ANKFN1: variants seen among roughly 807,000 people sequenced by gnomAD.
ANKFN1 encodes the protein ankyrin repeat and fibronectin type III domain containing 1.
A neutral mutation model predicts 108.7 loss-of-function variants in ANKFN1; 74 were observed. The ratio of observed to expected loss-of-function variants is 0.68; its 90% CI spans 0.56 to 0.83. ANKFN1 has a LOEUF of 0.83. Ranked by LOEUF, ANKFN1 falls within the 40% of genes least tolerant of loss-of-function variation. ANKFN1 has a pLI of 0.00. For synonymous variants in ANKFN1, 547 were observed against 516.2 expected, an observed-to-expected ratio of 1.06 and a Z score of -0.81; for missense variants, 1,505 against 1,382.3, an observed-to-expected ratio of 1.09 and a Z score of -1.41.
intron 4 of ANKFN1, among the ~76,000 whole-genome samples, chr17:56,125,742 C>T (rs1444530026): frequency 6.6e-6 from 1 of 152,182 alleles, no homozygotes; most frequent in East Asian, 1.9e-4. Context: ...TGGAACTCCA[C>T]AGCACACACT....
intron 1 of ANKFN1, among the ~76,000 whole-genome samples, chr17:56,192,317 T>G (rs1417886081): frequency 1.6e-5 from 2 of 126,990 alleles, no homozygotes; most frequent in African/African-American, 6.1e-5. Context: ...AACCTAGGCA[T>G]TACCATTCAG....
At chr17:56,136,195 C>T (rs2143370460) in intron 4 of ANKFN1, among the ~76,000 whole-genome samples, 1 of 152,198 alleles carries the variant, frequency 6.6e-6, no homozygotes, top group African/African-American at 2.4e-5. Context: ...AGATAAGACC[C>T]CTGAATCTCA....
At chr17:56,401,865 C>T (rs1286629467) in intron 8 of ANKFN1, among the ~76,000 whole-genome samples, 1 of 152,008 alleles carries the variant, frequency 6.6e-6, no homozygotes, top group Admixed American at 6.6e-5. Context: ...AGGTATGTCC[C>T]CTTGTATGCC....
chr17:56,246,269 G>A (rs1017393308), intron 3 of ANKFN1, among the ~76,000 whole-genome samples: 4 of 152,246 alleles, frequency 2.6e-5, no homozygotes, highest in African/African-American at 9.6e-5. Context: ...ATGATCAAGT[G>A]TAGTATCATG....
intron 1 of ANKFN1, among the ~76,000 whole-genome samples, chr17:56,165,619 T>C (rs1910071306): frequency 6.6e-6 from 1 of 152,170 alleles, no homozygotes; most frequent in Non-Finnish European, 1.5e-5. Flanking sequence ...TGGCGTCATA[T>C]AGACCAAACG....
chr17:56,133,786 G>GCT (rs1555598700), intron 4 of ANKFN1, among the ~76,000 whole-genome samples: 1 of 148,864 alleles, frequency 6.7e-6, no homozygotes, highest in Non-Finnish European at 1.5e-5. Context: ...AATCCAAAGT[G>GCT]TTTTTTTTTT....
At chr17:56,417,379 A>G (rs916995939) in intron 8 of ANKFN1, among the ~76,000 whole-genome samples, 15 of 152,210 alleles carry the variant, frequency 9.9e-5, no homozygotes, top group Admixed American at 9.8e-4. Flanking sequence ...TTTAAAATAC[A>G]TAAATTTAAA....
At chr17:56,245,866 CTT>C (rs1917918841) in intron 3 of ANKFN1, 1 of 152,022 alleles carries the variant, frequency 6.6e-6, no homozygotes, top group African/African-American at 2.4e-5. Context: ...TTTATGGACT[CTT>C]TTAATAGGAG....
rs141947544 is a variant in ANKFN1 at position 56,132,595 on chromosome 17, G to A, written c.288+86270G>A. Reference sequence around the variant, plus strand: ...CATTGGGAAAAGTCATGCCTTAGTCGGTCCAGGCTGCCATAACAAAATATA... The same window carrying A: ...CATTGGGAAAAGTCATGCCTTAGTCAGTCCAGGCTGCCATAACAAAATATA... On this transcript the variant is annotated intron_variant, in intron 4 of 12. Coordinates refer to the ANKFN1 transcript ENST00000635860. Among the ~76,000 whole-genome samples the A allele has an allele frequency of 5.9e-4, 90 of 152,104 alleles. 1 individual carries two copies. In the East Asian group the frequency reaches 0.015, roughly 26 times the overall value.
chr17:56,260,416 G>A (rs1282095568), intron 3 of ANKFN1, among the ~76,000 whole-genome samples: 5 of 152,146 alleles, frequency 3.3e-5, no homozygotes, highest in Admixed American at 6.5e-5. Context: ...TGGTGGTGGT[G>A]GGGCGGGGTA....
intron 15 of ANKFN1, chr17:56,471,686 T>C (rs1490316776): frequency 6.6e-6 from 1 of 152,232 alleles, no homozygotes; most frequent in Non-Finnish European, 1.5e-5. Context: ...GGTATATCCA[T>C]ATAATGGAAT....
At chr17:56,115,600 A>C (rs1334005927) in intron 4 of ANKFN1, among the ~76,000 whole-genome samples, 1 of 152,188 alleles carries the variant, frequency 6.6e-6, no homozygotes, top group Non-Finnish European at 1.5e-5. Context: ...TTTATTCCTT[A>C]TATAATTTTA....
chr17:56,481,269 C>T (rs2050693541), intron 17 of ANKFN1, among the ~76,000 whole-genome samples: 2 of 152,076 alleles, frequency 1.3e-5, no homozygotes, highest in South Asian at 2.1e-4. Context: ...ATATGCCATG[C>T]TATTTTTTCT....
chr17:56,494,218 T>C, intron 19 of ANKFN1, among the ~76,000 whole-genome samples: 1 of 152,178 alleles, frequency 6.6e-6, no homozygotes, highest in East Asian at 1.9e-4. Context: ...TGAGATATCT[T>C]AGGTGACCTC....
intron 4 of ANKFN1, among the ~76,000 whole-genome samples, chr17:56,090,387 C>T (rs1369338032): frequency 6.6e-6 from 1 of 151,138 alleles, no homozygotes; most frequent in Non-Finnish European, 1.5e-5. Context: ...AATTTGCTTC[C>T]GTACTGACTT....
chr17:56,291,768 A>T (rs1598361230), intron 3 of ANKFN1, among the ~76,000 whole-genome samples: 1 of 152,190 alleles, frequency 6.6e-6, no homozygotes, highest in African/African-American at 2.4e-5. Context: ...CTTCTGACAC[A>T]TGGTTCAGGA....
rs1312128384 is a variant in ANKFN1 at position 56,097,525 on chromosome 17, T to C, written c.288+51200T>C. 2.6e-5 allele frequency among the ~76,000 whole-genome samples: 4 copies of C among 152,222 alleles called. No homozygotes were observed. The East Asian group carries it at 7.7e-4, about 29-fold the overall frequency. ...CTTCAAACTCCAGGCCCACTGAAAG[T>C]TTGTTCTAGGCTTATCTGCACATCT... On this transcript the variant is annotated intron_variant, in intron 4 of 12. Transcript: ENST00000635860.
intron 4 of ANKFN1, 94 bp from the exon 5 acceptor site, chr17:56,350,672 T>A: frequency 8.4e-7 from 1 of 1,191,646 alleles, no homozygotes; most frequent in Non-Finnish European, 1.2e-6. Context: ...AATATTGTAT[T>A]TGGATTCCAG....
chr17:56,211,376 A>G (rs1373544693), intron 1 of ANKFN1, among the ~76,000 whole-genome samples: 3 of 152,032 alleles, frequency 2.0e-5, no homozygotes, highest in Non-Finnish European at 4.4e-5. Flanking sequence ...TCCCTACTTT[A>G]TATTTTTGTT....
Sources: allele counts gnomAD v4.1 joint callset (sites outside exome capture counted in the v4.1 genomes callset), GRCh38; gene constraint gnomAD v4.1.1; transcripts MANE v1.5; gene names NCBI Gene and HGNC (gene_info 2026-07-23, HGNC 2026-07-21).